PDZD2: variants seen among roughly 807,000 people sequenced by gnomAD.
PDZD2 encodes the protein PDZ domain containing 2.
Under a neutral mutation model 220.7 loss-of-function variants are expected in PDZD2, and 90 were observed. The ratio of observed to expected loss-of-function variants is 0.41; its 90% CI spans 0.34 to 0.49. The LOEUF is 0.49. Ranked by LOEUF, PDZD2 falls within the 20% of genes least tolerant of loss-of-function variation. The pLI, the probability that PDZD2 is intolerant of heterozygous loss-of-function variation, is 0.28. For synonymous variants in PDZD2, 1,375 were observed against 1,450.5 expected (o/e 0.95, Z 1.18); for missense variants, 3,174 against 3,608.5 (o/e 0.88, Z 3.08).
At chr5:31,792,740 G>C (rs1428607703) in intron 1 of PDZD2, among the ~76,000 whole-genome samples, 4 of 151,646 alleles carry the variant, frequency 2.6e-5, no homozygotes, top group Non-Finnish European at 5.9e-5. Flanking sequence ...ATTTATCTGG[G>C]CCTATAAAAG....
At chr5:31,946,585 G>T (rs1039302314) in intron 2 of PDZD2, among the ~76,000 whole-genome samples, 4 of 152,290 alleles carry the variant, frequency 2.6e-5, no homozygotes, top group East Asian at 1.9e-4. Context: ...TGATTAGGAG[G>T]TCCCTTATTT....
chr5:31,835,115 G>GA (rs1756869438), intron 2 of PDZD2, among the ~76,000 whole-genome samples: 1 of 152,054 alleles, frequency 6.6e-6, no homozygotes, highest in Non-Finnish European at 1.5e-5. Context: ...TTGAGGCAAA[G>GA]AAAAAACATT....
chr5:31,884,221 C>CTGCA (rs1317264868), intron 2 of PDZD2, among the ~76,000 whole-genome samples: 3 of 148,134 alleles, frequency 2.0e-5, no homozygotes, highest in Admixed American at 6.7e-5. Flanking sequence ...TCAAAAATAA[C>CTGCA]TGCATGCATG....
intron 6 of PDZD2, among the ~76,000 whole-genome samples, chr5:32,034,148 A>G (rs768502860): frequency 3.9e-5 from 6 of 152,076 alleles, no homozygotes; most frequent in Non-Finnish European, 8.8e-5. Flanking sequence ...AAAACTTCCT[A>G]AGTCCAGAAA....
At chr5:32,059,145 A>C (rs1739429630) in intron 12 of PDZD2, 94 bp from the exon 13 acceptor site, 1 of 688,060 alleles carries the variant, frequency 1.5e-6, no homozygotes, top group South Asian at 1.7e-5. Context: ...TATTGGTCTG[A>C]ATAGATATTA....
At chr5:31,980,485 T>C (rs1005867420) in intron 2 of PDZD2, among the ~76,000 whole-genome samples, 1 of 152,244 alleles carries the variant, frequency 6.6e-6, no homozygotes, top group Admixed American at 6.5e-5. Context: ...ACTGTTGCCA[T>C]TGTTTTAATG....
intron 1 of PDZD2, among the ~76,000 whole-genome samples, chr5:31,761,180 T>C (rs1342968844): frequency 6.6e-6 from 1 of 152,038 alleles, no homozygotes. Context: ...ATGTTGTAGG[T>C]TCTTCATTTA....
At chr5:31,641,286 G>A (rs1190885191) in intron 1 of PDZD2, among the ~76,000 whole-genome samples, 1 of 152,202 alleles carries the variant, frequency 6.6e-6, no homozygotes, top group Non-Finnish European at 1.5e-5. Flanking sequence ...GTGTTTATTG[G>A]ATGAAGGAGT....
intron 1 of PDZD2, among the ~76,000 whole-genome samples, chr5:31,787,977 C>T (rs1216715604): frequency 6.6e-6 from 1 of 152,182 alleles, no homozygotes; most frequent in Non-Finnish European, 1.5e-5. Flanking sequence ...CAGTGCCTGG[C>T]AGAATCAACC....
chr5:31,689,964 C>G (rs1337565659), intron 1 of PDZD2, among the ~76,000 whole-genome samples: 1 of 152,130 alleles, frequency 6.6e-6, no homozygotes, highest in Non-Finnish European at 1.5e-5. Context: ...CTATCTGGCG[C>G]TGGCAAACTC....
rs929132127 is a variant in PDZD2 at position 32,101,354 on chromosome 5, C to T, written c.8353+115C>T. The T allele has an allele frequency of 1.5e-5, 14 of 953,566 alleles. No individual in the cohort carries two copies. The African/African-American group carries it at 1.8e-4, about 12-fold the overall frequency. The allele number at this position is 953,566 out of a possible 1,614,324, so 59.1% of individuals were successfully genotyped here. ...CAAAAAACCTAAACTGTTTTTAATG[C>T]TTTGTGACATACAAGGTTTATTCTG... On this transcript the variant is annotated intron_variant, in intron 24 of 24. Coordinates refer to ENST00000438447, the MANE Select transcript of PDZD2 (RefSeq NM_178140.4).
chr5:31,945,379 C>A (rs1401920058), intron 2 of PDZD2, among the ~76,000 whole-genome samples: 1 of 152,186 alleles, frequency 6.6e-6, no homozygotes, highest in African/African-American at 2.4e-5. Flanking sequence ...GTTATTGATT[C>A]CTAGTGAAGG....
At chr5:32,027,781 G>T (rs1427807856) in intron 6 of PDZD2, among the ~76,000 whole-genome samples, 1 of 152,196 alleles carries the variant, frequency 6.6e-6, no homozygotes, top group Non-Finnish European at 1.5e-5. Flanking sequence ...TTGTTGTCCT[G>T]ATTCCCATTT....
rs116859013 is a variant in PDZD2, at chr5:32,094,841, G to A, written c.7845+1817G>A. 1.9e-3 allele frequency among the ~76,000 whole-genome samples: 296 copies of A among 152,280 alleles called. 3 individuals carry two copies. The East Asian group carries it at 0.028, about 15-fold the overall frequency. ...CTCAGTGAGCTATGATCGTGCCAGC[G>A]CACTCCAGCCTGGGTGACAGAGCAA... On this transcript the variant is annotated intron_variant, in intron 21 of 24. Coordinates refer to ENST00000438447, the MANE Select transcript of PDZD2 (RefSeq NM_178140.4).
At chr5:31,690,393 G>C (rs747635559) in intron 1 of PDZD2, among the ~76,000 whole-genome samples, 1 of 152,142 alleles carries the variant, frequency 6.6e-6, no homozygotes, top group Non-Finnish European at 1.5e-5. Context: ...TGATGGTCAG[G>C]ATGGTGTCCT....
chr5:31,829,983 G>A (rs1318150575), intron 2 of PDZD2, among the ~76,000 whole-genome samples: 1 of 152,054 alleles, frequency 6.6e-6, no homozygotes, highest in African/African-American at 2.4e-5. Context: ...AGGAGTCAGA[G>A]GTTGCAGTGA....
intron 1 of PDZD2, among the ~76,000 whole-genome samples, chr5:31,777,925 T>C (rs1339052839): frequency 6.6e-6 from 1 of 151,272 alleles, no homozygotes; most frequent in Admixed American, 6.6e-5. Context: ...CACCAATCAG[T>C]GCTCTGTGTC....
At chr5:31,918,527 A>C (rs1187800565) in intron 2 of PDZD2, among the ~76,000 whole-genome samples, 1 of 152,208 alleles carries the variant, frequency 6.6e-6, no homozygotes. Context: ...AGAAAAAGAC[A>C]CCTGGTGTTC....
chr5:31,775,496 T>C (rs1752589542), intron 1 of PDZD2, among the ~76,000 whole-genome samples: 1 of 152,162 alleles, frequency 6.6e-6, no homozygotes, highest in Non-Finnish European at 1.5e-5. Context: ...TCATTTCCCT[T>C]GGCCTTTCTG....
Sources: gnomAD v4.1 joint callset for allele counts (sites outside exome capture counted in the v4.1 genomes callset) on GRCh38, gnomAD v4.1.1 for gene constraint, MANE v1.5 for transcripts, NCBI Gene and HGNC (gene_info 2026-07-23, HGNC 2026-07-21) for gene names.